CEP164: variants seen among roughly 807,000 people sequenced by gnomAD.
CEP164 encodes centrosomal protein 164, also known as centrosomal protein of 164 kDa.
In CEP164, 162 loss-of-function variants were observed where a neutral mutation model predicts 182.7. That is an observed-to-expected ratio of 0.89 (90% CI 0.78 to 1.01). The LOEUF (loss-of-function observed/expected upper bound fraction) is 1.01, where lower values mean the gene tolerates loss of function less well. Among genes scored for constraint, CEP164 ranks in the 50% least tolerant of loss-of-function variants. The probability of loss-of-function intolerance (pLI) is 0.00; values close to 1 mark genes in which losing one functional copy is unlikely to be tolerated. For synonymous variants in CEP164, 661 were observed against 690.0 expected (o/e 0.96, Z 0.66); for missense variants, 1,735 against 1,790.4 (o/e 0.97, Z 0.56).
chr11:117,335,989 T>C (rs937052145), intron 2 of CEP164, among the ~76,000 whole-genome samples: 1 of 152,206 alleles, frequency 6.6e-6, no homozygotes, highest in Non-Finnish European at 1.5e-5. Flanking sequence ...ATTAGCTATC[T>C]GATCTATCCA....
At position 117,409,936 on chromosome 11, in the gene CEP164, T is replaced by C; in HGVS notation, c.4067T>C (p.Leu1356Pro). 6.2e-7 allele frequency: 1 copy of C among 1,614,204 alleles called. No individual in the cohort carries two copies. Among genetic ancestry groups the C allele is most frequent in the Non-Finnish European group, 8.5e-7 (1 of 1,180,038 alleles). ...GTGGCTCAAACGGTGGACGACTTCC[T>C]GTTGGAGAAGTGGCGCAAGTATTTT... ...SSVAQTVDDF[L>P]LEKWRKYFPS... The change falls in exon 30 of 33, where the codon CTG becomes CCG. Residue 1356 changes from leucine (L) to proline (P), a missense_variant. Transcript: ENST00000278935. The surrounding 1 kb of genome is among the most constrained non-coding windows in gnomAD (Gnocchi z 4.4).
chr11:117,346,467 C>G (rs2038911376), intron 4 of CEP164, among the ~76,000 whole-genome samples: 1 of 151,874 alleles, frequency 6.6e-6, no homozygotes, highest in Non-Finnish European at 1.5e-5. Context: ...CCATGTTGAT[C>G]AGGCTGGTCT....
chr11:117,345,877 G>A (rs1181226374), intron 4 of CEP164, among the ~76,000 whole-genome samples: 2 of 152,122 alleles, frequency 1.3e-5, no homozygotes, highest in Non-Finnish European at 2.9e-5. Context: ...AGTAGAGACG[G>A]GGTTTCGCCA....
At chr11:117,395,095 C>G (rs1464183879) in intron 22 of CEP164, 28 bp from the exon 23 acceptor site, 1 of 1,613,966 alleles carries the variant, frequency 6.2e-7, no homozygotes, top group Admixed American at 1.7e-5. Flanking sequence ...CTGCAGTCAG[C>G]CAGAAAATCC....
At chr11:117,365,147 C>A (rs185894890) in intron 8 of CEP164, among the ~76,000 whole-genome samples, 1 of 152,328 alleles carries the variant, frequency 6.6e-6, no homozygotes, top group East Asian at 1.9e-4. Flanking sequence ...CTAGGGGTGT[C>A]AGAGGACTTA....
In CEP164 at chr11:117,381,775, C is replaced by G. The variant is rs59763167; in HGVS notation, c.1484C>G (p.Pro495Arg). The G allele has an allele frequency of 3.2e-3, 5,073 of 1,597,284 alleles. 128 individuals are homozygous for G. In the South Asian group the frequency reaches 0.043, roughly 13 times the overall value. ...AGCCTGGCCACTGAAGAAGAGCCTCCCCAGGGCCCCGAGGGGCAGCCCGAG... is the reference window on the plus strand; with the variant it reads ...AGCCTGGCCACTGAAGAAGAGCCTCGCCAGGGCCCCGAGGGGCAGCCCGAG... Reference protein sequence around the residue: ...PRSLATEEEPPQGPEGQPEWK... With the variant: ...PRSLATEEEPRQGPEGQPEWK... The change falls in exon 13 of 33, where the codon CCC (proline) becomes CGC (arginine). Residue 495 changes from proline to arginine, a missense_variant. Pro to Arg is a moderately radical substitution (Grantham distance 103). Coordinates refer to ENST00000278935, the MANE Select transcript of CEP164 (RefSeq NM_014956.5).
At chr11:117,386,888 C>G (rs772312525) in intron 14 of CEP164, 6 of 342,892 alleles carry the variant, frequency 1.7e-5, no homozygotes, top group Non-Finnish European at 3.2e-5. Context: ...TTCACTCTCT[C>G]CCTGCTGCTG....
At chr11:117,323,054 C>T (rs2035310809), upstream of CEP164, among the ~76,000 whole-genome samples, 1 of 152,066 alleles carries the variant, frequency 6.6e-6, no homozygotes, top group African/African-American at 2.4e-5. Flanking sequence ...GTGTGAGCCA[C>T]CGCATCTGGC....
intron 1 of CEP164, among the ~76,000 whole-genome samples, chr11:117,331,010 T>C (rs1050942497): frequency 2.6e-5 from 4 of 152,244 alleles, no homozygotes; most frequent in Non-Finnish European, 2.9e-5. Context: ...ATCTTCCACC[T>C]TCTCCCCTTT....
At chr11:117,340,789 G>A (rs1387477574) in intron 3 of CEP164, among the ~76,000 whole-genome samples, 1 of 152,186 alleles carries the variant, frequency 6.6e-6, no homozygotes, top group Non-Finnish European at 1.5e-5. Flanking sequence ...TTCCCAAAGT[G>A]CAGGGATTAC....
chr11:117,378,956 AC>A (rs1565534004), intron 11 of CEP164, among the ~76,000 whole-genome samples: 1 of 151,400 alleles, frequency 6.6e-6, no homozygotes, highest in Non-Finnish European at 1.5e-5. Flanking sequence ...TATTACTATC[AC>A]CCCCACTTCA....
At chr11:117,376,804 A>T (rs2042790542) in intron 11 of CEP164, among the ~76,000 whole-genome samples, 1 of 152,352 alleles carries the variant, frequency 6.6e-6, no homozygotes, top group East Asian at 1.9e-4. Context: ...GTGAAGGCAC[A>T]GTCAAAGGAA....
chr11:117,403,606 C>T (rs2046375442), intron 27 of CEP164, among the ~76,000 whole-genome samples: 1 of 152,098 alleles, frequency 6.6e-6, no homozygotes, highest in South Asian at 2.1e-4. Context: ...TCATTTCTAC[C>T]TTGGTGAATC....
chr11:117,342,621 ACATGCCAC>A (rs1345167330), intron 3 of CEP164, among the ~76,000 whole-genome samples: 2 of 152,058 alleles, frequency 1.3e-5, no homozygotes, highest in African/African-American at 2.4e-5. Context: ...GACTATAGGC[ACATGCCAC>A]CATGCCCGGC....
chr11:117,390,191 C>T (rs2044449889), intron 15 of CEP164, among the ~76,000 whole-genome samples: 1 of 151,624 alleles, frequency 6.6e-6, no homozygotes, highest in African/African-American at 2.4e-5. Context: ...GATCCACCTA[C>T]CTCGGCCTCC....
At position 117,363,428 on chromosome 11, in the gene CEP164, G is replaced by C; in HGVS notation, c.688-1G>C. The C allele has an allele frequency of 6.2e-7, 1 of 1,612,356 alleles. No homozygotes were observed. Among genetic ancestry groups the C allele is most frequent in the Non-Finnish European group, 8.5e-7 (1 of 1,178,468 alleles). ...CCACTTGTCATCATTTTTGTTTCTA[G>C]AGTGTCCACAGCTCAAGTGAGCCTC... On this transcript the variant is annotated splice_acceptor_variant, in intron 7 of 32. Coordinates refer to ENST00000278935, the MANE Select transcript of CEP164 (RefSeq NM_014956.5). LOFTEE classifies it high-confidence loss of function.
chr11:117,342,717 C>T (rs2038303930), intron 3 of CEP164, among the ~76,000 whole-genome samples: 1 of 152,180 alleles, frequency 6.6e-6, no homozygotes, highest in African/African-American at 2.4e-5. Context: ...CTCAAGTGAT[C>T]TGCCCACCTT....
chr11:117,357,666 C>T (rs1159320273), intron 5 of CEP164, among the ~76,000 whole-genome samples: 2 of 152,090 alleles, frequency 1.3e-5, no homozygotes, highest in African/African-American at 4.8e-5. Flanking sequence ...AAGTGATCTG[C>T]CTGCTTCAGT....
chr11:117,331,989 T>TATATATATATATAC (rs1468917266), intron 1 of CEP164, among the ~76,000 whole-genome samples: 3 of 148,826 alleles, frequency 2.0e-5, no homozygotes, highest in African/African-American at 5.0e-5. Context: ...CTAATATATA[T>TATATATATATATAC]ATATATATAT....
Sources: gnomAD v4.1 joint callset for allele counts (sites outside exome capture counted in the v4.1 genomes callset) on GRCh38, gnomAD v4.1.1 for gene constraint, Gnocchi (gnomAD v3.1) non-coding constraint, MANE v1.5 for transcripts, NCBI Gene and HGNC (gene_info 2026-07-23, HGNC 2026-07-21) for gene names.